Variants in ARHGEF11 observed in about 807,000 individuals in gnomAD.
ARHGEF11 encodes Rho guanine nucleotide exchange factor 11.
ARHGEF11 carries 55 observed loss-of-function variants against 193.7 expected under a neutral mutation model. That is an observed-to-expected ratio of 0.28 (90% CI 0.23 to 0.36). ARHGEF11 has a LOEUF of 0.36. Ranked by LOEUF, ARHGEF11 falls within the 10% of genes least tolerant of loss-of-function variation. The pLI, the probability that ARHGEF11 is intolerant of heterozygous loss-of-function variation, is 1.00. For missense variants in ARHGEF11, 1,723 were observed against 2,005.6 expected (o/e 0.86, Z 2.69); for synonymous variants, 693 against 768.0 (o/e 0.90, Z 1.62).
intron 34 of ARHGEF11, 124 bp from the exon 35 acceptor site, chr1:156,941,557 C>T (rs956654013): frequency 9.0e-7 from 1 of 1,109,866 alleles, no homozygotes; most frequent in Admixed American, 1.9e-5. Flanking sequence ...GGCTGGTCTG[C>T]TTGGCAACCC....
At chr1:157,040,839 T>C (rs960740847) in intron 1 of ARHGEF11, among the ~76,000 whole-genome samples, 5 of 152,218 alleles carry the variant, frequency 3.3e-5, no homozygotes, top group Admixed American at 3.3e-4. Context: ...CTCGTTTGAT[T>C]TGCTCCTTTC....
At chr1:156,939,968 G>A (rs950579563) in intron 36 of ARHGEF11, 58 bp from the exon 37 acceptor site, 3 of 1,580,304 alleles carry the variant, frequency 1.9e-6, no homozygotes, top group African/African-American at 2.7e-5. Context: ...ACGCCAGAAG[G>A]ATCGTTGTAC....
At chr1:156,992,062 A>G (rs1451405115) in intron 1 of ARHGEF11, among the ~76,000 whole-genome samples, 1 of 152,234 alleles carries the variant, frequency 6.6e-6, no homozygotes, top group African/African-American at 2.4e-5. Flanking sequence ...CATGGTTGAA[A>G]AATCAAAATG....
chr1:156,978,666 T>G (rs983393192), intron 5 of ARHGEF11, among the ~76,000 whole-genome samples: 2 of 152,228 alleles, frequency 1.3e-5, no homozygotes, highest in African/African-American at 4.8e-5. Flanking sequence ...TTTCCCCCTT[T>G]ATCTCACTAA....
chr1:156,971,900 A>G (rs1300194609), intron 7 of ARHGEF11, 84 bp from the exon 8 acceptor site: 2 of 1,463,744 alleles, frequency 1.4e-6, no homozygotes, highest in Non-Finnish European at 1.8e-6. Flanking sequence ...CAGTGGGGAG[A>G]ATAGGCAGTT....
Position 157,023,789 on chromosome 1 carries a change from A to C in ARHGEF11, c.32+20510T>G, listed in dbSNP as rs565376647. On this transcript the variant is annotated intron_variant, in intron 1 of 40. Transcript: ENST00000368194. ...TCAAAAAAAAAAAAAAAAGATAATA[A>C]CAACTGCTGGAGAGGATGTGGAGAA... 2.2e-4 allele frequency among the ~76,000 whole-genome samples: 32 copies of C among 148,216 alleles called. No homozygotes were observed. In the East Asian group the frequency reaches 5.8e-3, roughly 27 times the overall value.
intron 2 of ARHGEF11, among the ~76,000 whole-genome samples, chr1:156,985,059 CAG>C (rs1664728509): frequency 6.6e-6 from 1 of 151,810 alleles, no homozygotes; most frequent in Non-Finnish European, 1.5e-5. Flanking sequence ...CAAAAAGAAA[CAG>C]AGGTTATCAC....
chr1:156,982,550 T>A (rs1230946674), intron 3 of ARHGEF11, among the ~76,000 whole-genome samples: 1 of 152,114 alleles, frequency 6.6e-6, no homozygotes, highest in Non-Finnish European at 1.5e-5. Context: ...CAGGGATGCA[T>A]GCATGCACAC....
chr1:156,947,025 G>A lies in ARHGEF11; in HGVS notation c.2489-10C>T, dbSNP rs779573859. The A allele has an allele frequency of 5.6e-5, 91 of 1,614,174 alleles. No homozygotes were observed. The East Asian group carries it at 1.9e-3, about 34-fold the overall frequency. ...GCTTCACACCAGGAATCTGGGGCAG[G>A]AAGAGAACAAATAGAAATGCCTGGG... On this transcript the variant is annotated splice_polypyrimidine_tract_variant and intron_variant, in intron 26 of 40. Transcript: ENST00000368194.
At chr1:156,943,845 G>T in intron 32 of ARHGEF11, 90 bp downstream of exon 32, 2 of 1,480,362 alleles carry the variant, frequency 1.4e-6, no homozygotes, top group Non-Finnish European at 1.8e-6. Flanking sequence ...GGTAGGTCCT[G>T]TAAAGGCTCC....
chr1:156,969,459 GCCA>G lies in ARHGEF11; in HGVS notation c.749-104_749-102del, dbSNP rs1487397297. 3.6e-6 allele frequency: 4 copies of G among 1,122,972 alleles called. No homozygotes were observed. The African/African-American group carries it at 6.3e-5, about 18-fold the overall frequency. The allele number at this position is 1,122,972 out of a possible 1,614,324, so 69.6% of individuals were successfully genotyped here. On this transcript the variant is annotated intron_variant, in intron 9 of 40. Transcript: ENST00000368194. ...GTGTGCAGGGCAGGAAGAGGGAGCT[GCCA>G]CCTTTTCTTTCACCAGTTTCCCTTC... is the stretch of plus-strand genomic sequence containing the variant.
chr1:156,996,859 A>T (rs1156600644), intron 1 of ARHGEF11, among the ~76,000 whole-genome samples: 144 of 93,802 alleles, frequency 1.5e-3, no homozygotes, highest in Middle Eastern at 6.8e-3. Flanking sequence ...CTCTCTCTCT[A>T]TTTTTTTTTT....
At chr1:156,947,735 G>A in intron 25 of ARHGEF11, 34 bp downstream of exon 25, 1 of 1,607,270 alleles carries the variant, frequency 6.2e-7, no homozygotes, top group Non-Finnish European at 8.5e-7. Flanking sequence ...CCACACGTGT[G>A]AGCGGAGCTG....
Position 157,008,337 on chromosome 1 carries a change from A to T in ARHGEF11, c.33-22164T>A, listed in dbSNP as rs187180334. On this transcript the variant is annotated intron_variant, in intron 1 of 40. Transcript: ENST00000368194. The stretch of plus-strand genomic sequence containing the variant: ...AGGGTAATTAGGGTTAGGCTAAGTC[A>T]TGAGAGTAGGGCTCTCATGATGGGG... Among the ~76,000 whole-genome samples the T allele has an allele frequency of 6.4e-4, 97 of 151,936 alleles. No homozygotes were observed. The Middle Eastern group carries it at 0.017, about 27-fold the overall frequency.
rs543681154 is a variant in ARHGEF11, at chr1:157,016,306, G to A, written c.32+27993C>T. Among the ~76,000 whole-genome samples, 6 of 152,066 alleles carry A rather than the reference G, an allele frequency of 3.9e-5. No individual in the cohort carries two copies. In the East Asian group the frequency reaches 7.7e-4, roughly 20 times the overall value. ...ACGATCTTGGCTCACTGCAACCTCC[G>A]CCTCTCAGATTTAAGCGATTCTCCT... On this transcript the variant is annotated intron_variant, in intron 1 of 40. Transcript: ENST00000368194.
At chr1:156,960,335 C>T in intron 15 of ARHGEF11, 83 bp downstream of exon 15, 1 of 1,378,894 alleles carries the variant, frequency 7.3e-7, no homozygotes, top group Non-Finnish European at 1.0e-6. Flanking sequence ...GGGACTATGT[C>T]CCTTCTGTCC....
At position 157,044,859 on chromosome 1, in the gene ARHGEF11, GA is replaced by G. The variant is rs371384723; in HGVS notation, c.-530del. ...CAACAGCAAATATCTTTGAGGAAAG[GA>G]AAAAAAAAAGGATTAATAAATCCGA... On this transcript the variant is annotated 5_prime_UTR_variant, in exon 1 of 41. It introduces an in-frame stop codon into an upstream open reading frame of the 5' UTR. Coordinates refer to ENST00000368194, the MANE Select transcript of ARHGEF11 (RefSeq NM_198236.3). 8.8e-3 allele frequency: 1,720 copies of G among 195,966 alleles called. 7 individuals are homozygous for G. Among genetic ancestry groups the G allele is most frequent in the African/African-American group, 0.026 (1,095 of 41,576 alleles). The allele number at this position is 195,966 out of a possible 1,614,324, so 12.1% of individuals were successfully genotyped here. A position where few individuals can be genotyped will look rare whatever the true frequency, so the allele number is the denominator to read the frequency against.
In ARHGEF11 at chr1:156,941,905, T is replaced by C; in HGVS notation, c.3411A>G (p.Pro1137=). Reference sequence around the variant, plus strand: ...CCTGCTGGGCTGGCTCCCGGGGACCTGGGGGTGGAGGATGGACGGGCATTG... The same window carrying C: ...CCTGCTGGGCTGGCTCCCGGGGACCCGGGGGTGGAGGATGGACGGGCATTG... ...AAPMPVHPPP[P]GPREPAQQGP... is the part of the protein sequence containing the mutation. Residue 1137 remains proline (P), a synonymous_variant, in exon 34 of 41, where the codon CCA becomes CCG. Coordinates refer to ENST00000368194, the MANE Select transcript of ARHGEF11 (RefSeq NM_198236.3). 6 of 1,613,680 alleles carry C rather than the reference T, an allele frequency of 3.7e-6. No homozygotes were observed. Among genetic ancestry groups the C allele is most frequent in the Non-Finnish European group, 5.1e-6 (6 of 1,179,824 alleles).
intron 1 of ARHGEF11, among the ~76,000 whole-genome samples, chr1:157,042,235 T>C (rs865933692): frequency 3.9e-5 from 6 of 152,162 alleles, no homozygotes; most frequent in African/African-American, 1.4e-4. Flanking sequence ...GCTTTAACTA[T>C]AGGACTTACA....
Sources: allele counts gnomAD v4.1 joint callset (sites outside exome capture counted in the v4.1 genomes callset), GRCh38; gene constraint gnomAD v4.1.1; transcripts MANE v1.5; gene names NCBI Gene and HGNC (gene_info 2026-07-23, HGNC 2026-07-21).